Variants in MTDH observed in about 807,000 individuals in gnomAD.
MTDH encodes metadherin.
A neutral mutation model predicts 72.7 loss-of-function variants in MTDH; 34 were observed. The ratio of observed to expected loss-of-function variants is 0.47; its 90% confidence interval spans 0.36 to 0.62. The LOEUF is 0.62. Among genes scored for constraint, MTDH ranks in the 20% least tolerant of loss-of-function variants. MTDH has a pLI of 0.00. For synonymous variants in MTDH, 266 were observed against 268.9 expected (o/e 0.99, Z 0.10); for missense variants, 677 against 699.4 (o/e 0.97, Z 0.36).
rs190168044 is a variant in MTDH at position 97,662,186 on chromosome 8, C to T, written c.483+1013C>T. Among the ~76,000 whole-genome samples, 5 of 151,042 alleles carry T rather than the reference C, an allele frequency of 3.3e-5. No individual in the cohort carries two copies. In the East Asian group the frequency reaches 7.8e-4, roughly 24 times the overall value. On this transcript the variant is annotated intron_variant, in intron 2 of 11. Coordinates refer to ENST00000336273, the MANE Select transcript of MTDH (RefSeq NM_178812.4). ...CAGTTCCCTTTTGTGCATCGAATTA[C>T]CCTCCCTTTCCTTTTTTTTTTTTAA... is the stretch of plus-strand genomic sequence containing the variant.
intron 4 of MTDH, among the ~76,000 whole-genome samples, chr8:97,688,780 C>A (rs1188879980): frequency 6.6e-6 from 1 of 152,140 alleles, no homozygotes; most frequent in Non-Finnish European, 1.5e-5. Context: ...GAATAGCAAA[C>A]TCTGTCTGTA....
chr8:97,651,242 A>T (rs537164507), intron 1 of MTDH, among the ~76,000 whole-genome samples: 53 of 152,320 alleles, frequency 3.5e-4, no homozygotes, highest in African/African-American at 1.3e-3. Context: ...GTTTAAAGAC[A>T]TTTAATTTAA....
chr8:97,653,003 C>T (rs1476377491), intron 1 of MTDH, among the ~76,000 whole-genome samples: 2 of 151,862 alleles, frequency 1.3e-5, no homozygotes, highest in African/African-American at 4.8e-5. Flanking sequence ...CCTATAGTCC[C>T]AGCTACTCAG....
At chr8:97,708,627 A>C (rs942865206) in intron 8 of MTDH, among the ~76,000 whole-genome samples, 1 of 49,504 alleles carries the variant, frequency 2.0e-5, no homozygotes. Context: ...TTTGAGATGG[A>C]GTTTCCCCGT....
chr8:97,713,245 C>T (rs545248955), intron 8 of MTDH, among the ~76,000 whole-genome samples: 82 of 152,086 alleles, frequency 5.4e-4, no homozygotes, highest in African/African-American at 1.6e-3. Context: ...CCATCACGCC[C>T]GGCTAATTTT....
At chr8:97,713,375 G>T (rs549624664) in intron 8 of MTDH, among the ~76,000 whole-genome samples, 1 of 152,086 alleles carries the variant, frequency 6.6e-6, no homozygotes, top group Non-Finnish European at 1.5e-5. Flanking sequence ...ATGAACCACC[G>T]TGCCCAGCCT....
intron 8 of MTDH, among the ~76,000 whole-genome samples, chr8:97,712,776 A>G (rs1814688775): frequency 6.6e-6 from 1 of 152,156 alleles, no homozygotes; most frequent in African/African-American, 2.4e-5. Context: ...CCTAATAGCA[A>G]ATGGAGTTGA....
intron 3 of MTDH, 100 bp downstream of exon 3, chr8:97,686,852 A>T: frequency 1.4e-6 from 1 of 736,288 alleles, no homozygotes; most frequent in South Asian, 2.3e-5. Flanking sequence ...TTTTGTGTTT[A>T]GCTCTTCTTT....
chr8:97,667,367 A>G (rs1312272543), intron 2 of MTDH, among the ~76,000 whole-genome samples: 2 of 152,242 alleles, frequency 1.3e-5, no homozygotes. Context: ...TATTAGCTTT[A>G]TTAAATCTTT....
chr8:97,678,906 G>A (rs1040173165), intron 2 of MTDH, among the ~76,000 whole-genome samples: 2 of 152,084 alleles, frequency 1.3e-5, no homozygotes, highest in African/African-American at 4.8e-5. Flanking sequence ...GCCAATTTTT[G>A]AAAGAAACTC....
In MTDH at chr8:97,728,029, G is replaced by A. The variant is rs1292432342; in HGVS notation, c.*3359G>A. On this transcript the variant is annotated 3_prime_UTR_variant, in exon 12 of 12. Transcript: ENST00000336273. ...GTTTATATTTGCATTAAAGATACTG[G>A]AGGGCAATATTTACAGAGTTTAGTT... The A allele has an allele frequency of 1.3e-5, 2 of 152,024 alleles. No individual in the cohort carries two copies. Among genetic ancestry groups the A allele is most frequent in the African/African-American group, 4.8e-5 (2 of 41,388 alleles). The allele number at this position is 152,024 out of a possible 1,614,324, so 9.4% of individuals were successfully genotyped here.
intron 5 of MTDH, 90 bp downstream of exon 5, chr8:97,689,193 G>A (rs1405213441): frequency 9.1e-5 from 58 of 635,338 alleles, no homozygotes; most frequent in South Asian, 4.3e-4. Context: ...TGACACAGAA[G>A]GAAAGAAAAA....
chr8:97,713,742 G>A lies in MTDH; in HGVS notation c.1353G>A (p.Lys451=), dbSNP rs2331652. The A allele has an allele frequency of 0.034, 55,019 of 1,601,432 alleles. 3,562 individuals carry two copies. Among genetic ancestry groups the A allele is most frequent in the Admixed American group, 0.22 (12,468 of 57,410 alleles). The change falls in exon 9 of 12, where the codon AAG becomes AAA. Residue 451 remains lysine (K), a synonymous_variant. Transcript: ENST00000336273. ...AAAAGAAAAAAAAGAAAAAGAAGAAGCAAGGTGAAGATAACTCTACTGCAC... is the reference window on the plus strand; with the variant it reads ...AAAAGAAAAAAAAGAAAAAGAAGAAACAAGGTGAAGATAACTCTACTGCAC... ...KSKKKKKKKK[K]QGEDNSTAQD... is the part of the protein sequence containing the mutation.
At chr8:97,675,112 C>G (rs1342034048) in intron 2 of MTDH, among the ~76,000 whole-genome samples, 1 of 152,182 alleles carries the variant, frequency 6.6e-6, no homozygotes, top group East Asian at 1.9e-4. Flanking sequence ...GCCCAGCCAG[C>G]ATTCCCTTTT....
At chr8:97,717,100 G>T (rs1814905926) in intron 9 of MTDH, among the ~76,000 whole-genome samples, 1 of 152,146 alleles carries the variant, frequency 6.6e-6, no homozygotes, top group African/African-American at 2.4e-5. Flanking sequence ...GAAAAACTTT[G>T]TAAGATTACA....
At chr8:97,688,715 A>G (rs529868210) in intron 4 of MTDH, among the ~76,000 whole-genome samples, 1 of 152,292 alleles carries the variant, frequency 6.6e-6, no homozygotes, top group South Asian at 2.1e-4. Context: ...GTTGAATCCA[A>G]TTACAGAGCC....
rs545937882 is a variant in MTDH at position 97,714,849 on chromosome 8, A to T, written c.1380+1080A>T. Among the ~76,000 whole-genome samples, 7 of 151,824 alleles carry T rather than the reference A, an allele frequency of 4.6e-5. No homozygotes were observed. In the East Asian group the frequency reaches 1.4e-3, roughly 29 times the overall value. ...TATCTTTTTTTTTTTTATTTGAGAC[A>T]GAGTCTTGTTCTGTTGCCCAGGCTG... On this transcript the variant is annotated intron_variant, in intron 9 of 11. Transcript: ENST00000336273.
At chr8:97,688,931 C>A in intron 4 of MTDH, 107 bp from the exon 5 acceptor site, 1 of 446,592 alleles carries the variant, frequency 2.2e-6, no homozygotes, top group Non-Finnish European at 3.8e-6. Context: ...CTTGAAGGAG[C>A]AATTTATAAT....
intron 2 of MTDH, among the ~76,000 whole-genome samples, chr8:97,670,680 A>G (rs562976328): frequency 6.6e-6 from 1 of 152,336 alleles, no homozygotes; most frequent in South Asian, 2.1e-4. Context: ...TAAAGAAAAG[A>G]GGGTTCAGTT....
Sources: gnomAD v4.1 joint callset for allele counts (sites outside exome capture counted in the v4.1 genomes callset) on GRCh38, gnomAD v4.1.1 for gene constraint, MANE v1.5 for transcripts, NCBI Gene and HGNC (gene_info 2026-07-23, HGNC 2026-07-21) for gene names.